The following PLEKHG7 variants were observed in gnomAD, a reference collection of about 807,000 sequenced individuals.
The protein encoded by PLEKHG7 is pleckstrin homology domain-containing family G member 7.
Under a neutral mutation model 85.2 loss-of-function variants are expected in PLEKHG7, and 77 were observed. That is an observed-to-expected ratio of 0.90 (90% CI 0.75 to 1.09). The LOEUF (loss-of-function observed/expected upper bound fraction) is 1.09. Ranked by LOEUF, PLEKHG7 falls within the 50% of genes least tolerant of loss-of-function variation. PLEKHG7 has a pLI of 0.00. For synonymous variants in PLEKHG7, 301 were observed against 302.4 expected, an observed-to-expected ratio of 1.00 and a Z score of 0.05; for missense variants, 777 against 804.3, an observed-to-expected ratio of 0.97 and a Z score of 0.41.
At chr12:92,709,197 A>G (rs1871321674) in intron 3 of PLEKHG7, among the ~76,000 whole-genome samples, 1 of 152,218 alleles carries the variant, frequency 6.6e-6, no homozygotes, top group Non-Finnish European at 1.5e-5. Context: ...GAAGTTGTTA[A>G]GTTAGATTAT....
chr12:92,764,699 A>G (rs1417366529), intron 15 of PLEKHG7, among the ~76,000 whole-genome samples: 1 of 152,106 alleles, frequency 6.6e-6, no homozygotes, highest in Non-Finnish European at 1.5e-5. Context: ...TACATGACAC[A>G]TGCATCAGAA....
intron 16 of PLEKHG7, among the ~76,000 whole-genome samples, chr12:92,769,301 T>C (rs1873326328): frequency 1.3e-5 from 2 of 152,098 alleles, no homozygotes; most frequent in South Asian, 4.1e-4. Flanking sequence ...AACAATTTCC[T>C]CACACTTGCG....
chr12:92,756,010 C>A, intron 12 of PLEKHG7, 70 bp downstream of exon 12: 1 of 1,014,284 alleles, frequency 9.9e-7, no homozygotes, highest in South Asian at 1.4e-5. Context: ...GAAATACAAT[C>A]ATCTTAGATG....
At chr12:92,707,922 A>G (rs528041594) in intron 3 of PLEKHG7, 3 of 574,726 alleles carry the variant, frequency 5.2e-6, no homozygotes, top group Admixed American at 3.1e-5. Context: ...TGAATTGTCA[A>G]TGTCTTGGCC....
intron 5 of PLEKHG7, 95 bp from the exon 6 acceptor site, chr12:92,736,387 A>T (rs1872150747): frequency 2.9e-6 from 2 of 699,610 alleles, no homozygotes; most frequent in Middle Eastern, 4.5e-4. Flanking sequence ...CTTATCATGA[A>T]TGTTAGGGAA....
At position 92,741,608 on chromosome 12, in the gene PLEKHG7, G is replaced by A. The variant is rs774726336; in HGVS notation, c.1137+16G>A. On this transcript the variant is annotated intron_variant, in intron 9 of 16. Coordinates refer to ENST00000344636, the MANE Select transcript of PLEKHG7 (RefSeq NM_001377329.1). ...GCTCACAAAGGTAAACTCCTTCTGG[G>A]AGACCTCAGCTTCATGTAGTAAAAT... 1.3e-6 allele frequency: 2 copies of A among 1,592,446 alleles called. No homozygotes were observed. Among genetic ancestry groups the A allele is most frequent in the Non-Finnish European group, 1.7e-6 (2 of 1,162,560 alleles).
At chr12:92,761,533 AT>A (rs1427038463) in intron 13 of PLEKHG7, among the ~76,000 whole-genome samples, 1 of 85,482 alleles carries the variant, frequency 1.2e-5, no homozygotes, top group Non-Finnish European at 2.5e-5. Context: ...GAATTCATTG[AT>A]TAAAAAAAAG....
At chr12:92,753,323 G>A (rs1282653129) in intron 10 of PLEKHG7, among the ~76,000 whole-genome samples, 1 of 152,052 alleles carries the variant, frequency 6.6e-6, no homozygotes, top group African/African-American at 2.4e-5. Flanking sequence ...TACGTTCAAG[G>A]AAGCTCACAT....
intron 10 of PLEKHG7, among the ~76,000 whole-genome samples, chr12:92,745,995 C>A (rs12298801): frequency 1.6e-3 from 242 of 152,310 alleles, no homozygotes; most frequent in African/African-American, 5.7e-3. Flanking sequence ...ACACTGTATT[C>A]TACATGAATG....
At chr12:92,764,642 C>A (rs1199677331) in intron 15 of PLEKHG7, among the ~76,000 whole-genome samples, 1 of 151,804 alleles carries the variant, frequency 6.6e-6, no homozygotes, top group Admixed American at 6.6e-5. Flanking sequence ...ATTATGCCAG[C>A]AATATATATA....
intron 3 of PLEKHG7, among the ~76,000 whole-genome samples, chr12:92,724,481 G>A (rs933745438): frequency 1.3e-5 from 2 of 152,146 alleles, no homozygotes; most frequent in African/African-American, 4.8e-5. Flanking sequence ...CCTTGGAGGA[G>A]GAATCCAGGA....
At position 92,706,874 on chromosome 12, in the gene PLEKHG7, A is replaced by T. The variant is rs1263733692; in HGVS notation, c.243A>T (p.Pro81=). ...GCTGGGGAGCTCCTGTGGGCTTCCCATGTTACCTTTCGAAGAGCCTGCCAG... is the reference window on the plus strand; with the variant it reads ...GCTGGGGAGCTCCTGTGGGCTTCCCTTGTTACCTTTCGAAGAGCCTGCCAG... The part of the protein sequence containing the change: ...WGSWGAPVGF[P]CYLSKSLPGS... Residue 81 remains proline, a synonymous_variant, in exon 2 of 17, where the codon CCA becomes CCT. Transcript: ENST00000344636. 6.2e-7 allele frequency: 1 copy of T among 1,613,914 alleles called. No homozygotes were observed. Among genetic ancestry groups the T allele is most frequent in the Non-Finnish European group, 8.5e-7 (1 of 1,179,994 alleles).
intron 7 of PLEKHG7, among the ~76,000 whole-genome samples, chr12:92,740,288 G>A (rs1356259604): frequency 6.6e-6 from 1 of 152,086 alleles, no homozygotes; most frequent in South Asian, 2.1e-4. Context: ...TTGACTTGCT[G>A]TATAGTTCTC....
chr12:92,743,817 C>T (rs1030250997), intron 9 of PLEKHG7, among the ~76,000 whole-genome samples: 18 of 152,166 alleles, frequency 1.2e-4, no homozygotes, highest in Non-Finnish European at 2.2e-4. Flanking sequence ...GCCTCGGTCT[C>T]CCAAAGTGCT....
chr12:92,760,856 G>C (rs1338991017), intron 13 of PLEKHG7, among the ~76,000 whole-genome samples: 1 of 152,158 alleles, frequency 6.6e-6, no homozygotes, highest in African/African-American at 2.4e-5. Flanking sequence ...TAAAACTTGA[G>C]AAATAAGTAG....
chr12:92,705,756 T>C (rs1871211715), intron 1 of PLEKHG7, among the ~76,000 whole-genome samples: 1 of 152,186 alleles, frequency 6.6e-6, no homozygotes, highest in African/African-American at 2.4e-5. Flanking sequence ...TGTGGGAAAG[T>C]ACAGAATAAC....
At chr12:92,716,161 A>G (rs559838842) in intron 3 of PLEKHG7, among the ~76,000 whole-genome samples, 4 of 152,142 alleles carry the variant, frequency 2.6e-5, no homozygotes, top group African/African-American at 9.6e-5. Context: ...CATTGGTACA[A>G]TCTCAGCTCA....
intron 4 of PLEKHG7, among the ~76,000 whole-genome samples, chr12:92,730,151 T>A (rs763191401): frequency 1.3e-5 from 2 of 152,196 alleles, no homozygotes; most frequent in African/African-American, 4.8e-5. Context: ...ATAACTAACA[T>A]GTTTATAGCT....
chr12:92,703,826 C>T (rs1871154290), intron 1 of PLEKHG7, among the ~76,000 whole-genome samples: 1 of 152,112 alleles, frequency 6.6e-6, no homozygotes, highest in South Asian at 2.1e-4. Context: ...TCCTATTGGC[C>T]ATAAATAACT....
Sources: gnomAD v4.1 joint callset for allele counts (sites outside exome capture counted in the v4.1 genomes callset) on GRCh38, gnomAD v4.1.1 for gene constraint, MANE v1.5 for transcripts, NCBI Gene and HGNC (gene_info 2026-07-23, HGNC 2026-07-21) for gene names.